BICD1: variants seen among roughly 807,000 people sequenced by gnomAD.
BICD1 encodes protein bicaudal D homolog 1.
BICD1 carries 35 observed loss-of-function variants against 92.5 expected under a neutral mutation model. That is an observed-to-expected ratio of 0.38 (90% confidence interval 0.29 to 0.50). BICD1 has a LOEUF of 0.50. Among genes scored for constraint, BICD1 ranks in the 20% least tolerant of loss-of-function variants. The probability of loss-of-function intolerance (pLI) is 0.93; values close to 1 mark genes in which losing one functional copy is unlikely to be tolerated. For missense variants in BICD1, 950 were observed against 1,189.8 expected (o/e 0.80, Z 2.97); for synonymous variants, 429 against 465.1 (o/e 0.92, Z 1.00).
intron 8 of BICD1, among the ~76,000 whole-genome samples, chr12:32,354,594 T>G (rs1356306731): frequency 6.6e-6 from 1 of 152,194 alleles, no homozygotes; most frequent in Non-Finnish European, 1.5e-5. Flanking sequence ...ACCCGATAAG[T>G]CAGAAATTAC....
chr12:32,270,311 G>A (rs1947106133), intron 2 of BICD1, among the ~76,000 whole-genome samples: 1 of 151,980 alleles, frequency 6.6e-6, no homozygotes, highest in South Asian at 2.1e-4. Context: ...TTTACAAAAA[G>A]CAGTCTTGGC....
intron 1 of BICD1, among the ~76,000 whole-genome samples, chr12:32,191,482 C>T (rs1249552963): frequency 1.3e-5 from 2 of 150,934 alleles, no homozygotes; most frequent in East Asian, 1.9e-4. Flanking sequence ...CTGTTGGCAA[C>T]GTTTTTCCCG....
At chr12:32,326,244 A>G (rs965236832) in intron 4 of BICD1, among the ~76,000 whole-genome samples, 1 of 152,116 alleles carries the variant, frequency 6.6e-6, no homozygotes, top group Non-Finnish European at 1.5e-5. Flanking sequence ...TATGAACACC[A>G]TGATACTTCT....
At chr12:32,137,805 T>G (rs1184375001) in intron 1 of BICD1, among the ~76,000 whole-genome samples, 1 of 120,082 alleles carries the variant, frequency 8.3e-6, no homozygotes, top group East Asian at 4.2e-4. Flanking sequence ...TATAAAAACT[T>G]TTTTTTTTTT....
intron 3 of BICD1, among the ~76,000 whole-genome samples, chr12:32,299,986 A>T (rs1947988123): frequency 6.6e-6 from 1 of 152,224 alleles, no homozygotes; most frequent in Non-Finnish European, 1.5e-5. Context: ...GCGACTACCC[A>T]GCTCTGCTCT....
intron 2 of BICD1, among the ~76,000 whole-genome samples, chr12:32,243,198 A>G (rs960470064): frequency 1.3e-5 from 2 of 151,038 alleles, no homozygotes; most frequent in African/African-American, 2.4e-5. Flanking sequence ...CCCAGGCTCA[A>G]GAGATCCTCC....
chr12:32,291,912 C>G (rs1200339182), intron 2 of BICD1, among the ~76,000 whole-genome samples: 1 of 152,130 alleles, frequency 6.6e-6, no homozygotes, highest in Non-Finnish European at 1.5e-5. Flanking sequence ...GTCAGGTATA[C>G]TTCTAGAGCT....
chr12:32,113,642 C>T (rs1017183180), intron 1 of BICD1, among the ~76,000 whole-genome samples: 15 of 151,628 alleles, frequency 9.9e-5, no homozygotes, highest in African/African-American at 3.6e-4. Context: ...CTCCTGGGTT[C>T]AAGTGATTCT....
At chr12:32,172,123 A>G (rs1484480055) in intron 1 of BICD1, among the ~76,000 whole-genome samples, 1 of 152,080 alleles carries the variant, frequency 6.6e-6, no homozygotes, top group Non-Finnish European at 1.5e-5. Context: ...GAATGCACAC[A>G]TTGCTGTCTG....
At position 32,328,605 on chromosome 12, in the gene BICD1, A is replaced by C. The variant is rs1937670435; in HGVS notation, c.2100+50A>C. The C allele has an allele frequency of 1.3e-6, 2 of 1,554,746 alleles. No individual in the cohort carries two copies. The highest frequency in any genetic ancestry group is 1.7e-6 in the Non-Finnish European group (2 of 1,151,286). ...CATGCCAGTCAAAGCTTTCTTAACT[A>C]ATTTATTCCCTAATTTTATTGAGTA... On this transcript the variant is annotated intron_variant, in intron 5 of 9. Coordinates refer to ENST00000652176, the MANE Select transcript of BICD1 (RefSeq NM_001714.4). The surrounding 1 kb of genome is among the most constrained non-coding windows in gnomAD (Gnocchi z 4.4).
At chr12:32,136,471 G>A (rs2121336184) in intron 1 of BICD1, among the ~76,000 whole-genome samples, 1 of 152,342 alleles carries the variant, frequency 6.6e-6, no homozygotes, top group South Asian at 2.1e-4. Flanking sequence ...CAGGGCTGGG[G>A]CCCTTGGGCT....
chr12:32,266,847 G>C (rs1947010892), intron 2 of BICD1, among the ~76,000 whole-genome samples: 1 of 131,588 alleles, frequency 7.6e-6, no homozygotes. Context: ...AATAGAATGA[G>C]ACTCTGTCTC....
chr12:32,256,346 T>G (rs947105123), intron 2 of BICD1, among the ~76,000 whole-genome samples: 3 of 152,132 alleles, frequency 2.0e-5, no homozygotes, highest in African/African-American at 7.2e-5. Context: ...CACTACGCCC[T>G]GCCCTTTGCC....
chr12:32,302,704 A>G (rs1948089962), intron 3 of BICD1, among the ~76,000 whole-genome samples: 2 of 152,142 alleles, frequency 1.3e-5, no homozygotes, highest in Non-Finnish European at 1.5e-5. Flanking sequence ...AGTTATTGGT[A>G]GTATGCCATT....
intron 2 of BICD1, among the ~76,000 whole-genome samples, chr12:32,274,026 A>G (rs1233687377): frequency 6.6e-6 from 1 of 152,212 alleles, no homozygotes; most frequent in African/African-American, 2.4e-5. Context: ...GAGAAAGGGC[A>G]GGCTTTATCC....
chr12:32,253,388 C>A (rs2136110193), intron 2 of BICD1, among the ~76,000 whole-genome samples: 1 of 152,192 alleles, frequency 6.6e-6, no homozygotes, highest in East Asian at 1.9e-4. Context: ...ACTTTAATGC[C>A]CCACTGGACT....
chr12:32,212,572 G>A (rs1307566683), intron 1 of BICD1, among the ~76,000 whole-genome samples: 1 of 152,140 alleles, frequency 6.6e-6, no homozygotes, highest in East Asian at 1.9e-4. Context: ...TTACAGGCAT[G>A]CACAAGCACG....
At chr12:32,242,754 A>G (rs145937673) in intron 2 of BICD1, among the ~76,000 whole-genome samples, 1 of 152,168 alleles carries the variant, frequency 6.6e-6, no homozygotes, top group South Asian at 2.1e-4. Context: ...TCCTGTTTTT[A>G]AATCTACTGA....
chr12:32,144,964 T>C (rs1290192447), intron 1 of BICD1, among the ~76,000 whole-genome samples: 2 of 152,214 alleles, frequency 1.3e-5, no homozygotes, highest in African/African-American at 4.8e-5. Context: ...CAAGTGCTGT[T>C]GTCTCTTATC....
Sources: allele counts gnomAD v4.1 joint callset (sites outside exome capture counted in the v4.1 genomes callset), GRCh38; gene constraint gnomAD v4.1.1; non-coding constraint Gnocchi (gnomAD v3.1); transcripts MANE v1.5; gene names NCBI Gene and HGNC (gene_info 2026-07-23, HGNC 2026-07-21).